Variants in RAD54L observed in about 807,000 individuals in gnomAD.
RAD54L encodes DNA repair and recombination protein RAD54-like.
A neutral mutation model predicts 91.6 loss-of-function variants in RAD54L; 74 were observed. That is an observed-to-expected ratio of 0.81 (90% CI 0.67 to 0.98). The LOEUF is 0.98. Ranked by LOEUF, RAD54L falls within the 50% of genes least tolerant of loss-of-function variation. The pLI is 0.00. For missense variants in RAD54L, 887 were observed against 945.7 expected (o/e 0.94, Z 0.81); for synonymous variants, 304 against 349.7 (o/e 0.87, Z 1.46).
chr1:46,268,353 C>T (rs1266675784), intron 9 of RAD54L, among the ~76,000 whole-genome samples: 1 of 152,154 alleles, frequency 6.6e-6, no homozygotes, highest in African/African-American at 2.4e-5. Flanking sequence ...CCTCATTCCT[C>T]CCTCCCCTAA....
intron 2 of RAD54L, among the ~76,000 whole-genome samples, chr1:46,249,515 G>A (rs1222990463): frequency 6.6e-6 from 1 of 152,214 alleles, no homozygotes; most frequent in Non-Finnish European, 1.5e-5. Context: ...ATCTGGGTCT[G>A]CTGTCAGTTG....
rs1023781792 is a variant in RAD54L, at chr1:46,260,065, C to G, written c.373C>G (p.Pro125Ala). The change falls in exon 5 of 18, where the codon CCG (proline) becomes GCG (alanine). Residue 125 changes from proline (P) to alanine (A), a missense_variant. Transcript: ENST00000371975. ...TGCCTTGGTTCTGTATGAGCCTCCCCCGCTGAGCGCTCATGACCAGCTGAA... is the reference window on the plus strand; with the variant it reads ...TGCCTTGGTTCTGTATGAGCCTCCCGCGCTGAGCGCTCATGACCAGCTGAA... The part of the protein sequence containing the change: ...KDALVLYEPP[P>A]LSAHDQLKLD... 2 of 1,614,096 alleles carry G rather than the reference C, an allele frequency of 1.2e-6. No individual in the cohort carries two copies. Among genetic ancestry groups the G allele is most frequent in the African/African-American group, 2.7e-5 (2 of 74,916 alleles).
In RAD54L at chr1:46,272,454, T is replaced by A. The variant is rs1163268097; in HGVS notation, c.1170-12T>A. On this transcript the variant is annotated splice_polypyrimidine_tract_variant and intron_variant, in intron 10 of 17. Transcript: ENST00000371975. ...TTACCAGCCTCTTGCCTTTTTATCC[T>A]GTTTTCTCTAGATGCCTGATACGGA... is the stretch of plus-strand genomic sequence containing the variant. 2 of 1,597,222 alleles carry A rather than the reference T, an allele frequency of 1.3e-6. No homozygotes were observed. Among genetic ancestry groups the A allele is most frequent in the African/African-American group, 1.3e-5 (1 of 74,508 alleles).
At position 46,267,730 on chromosome 1, in the gene RAD54L, T is replaced by C; in HGVS notation, c.1042+121T>C. On this transcript the variant is annotated intron_variant, in intron 9 of 17. Coordinates refer to ENST00000371975, the MANE Select transcript of RAD54L (RefSeq NM_003579.4). ...TTATATGTGGGTCACTAGGCATTCT[T>C]GTAGGAAGGCTTCTCTTGTCAGGGA... is the stretch of plus-strand genomic sequence containing the variant. 2.3e-6 allele frequency: 3 copies of C among 1,317,022 alleles called. No homozygotes were observed. In the South Asian group the frequency reaches 3.7e-5, roughly 16 times the overall value. The allele number at this position is 1,317,022 out of a possible 1,614,324, so 81.6% of individuals were successfully genotyped here.
chr1:46,258,663 C>T (rs1660008299), intron 3 of RAD54L, 23 bp from the exon 4 acceptor site: 5 of 1,568,338 alleles, frequency 3.2e-6, no homozygotes, highest in African/African-American at 2.7e-5. Context: ...AGTCCTGAAT[C>T]CTTGTTTCTC....
chr1:46,264,568 A>C (rs1660216833), intron 8 of RAD54L, among the ~76,000 whole-genome samples: 2 of 152,266 alleles, frequency 1.3e-5, no homozygotes, highest in Admixed American at 1.3e-4. Context: ...CACATGGGCT[A>C]CTTGAAAGGG....
intron 3 of RAD54L, among the ~76,000 whole-genome samples, chr1:46,250,477 C>T (rs1424858036): frequency 6.6e-6 from 1 of 152,172 alleles, no homozygotes; most frequent in Admixed American, 6.5e-5. Context: ...ACCACCATGG[C>T]AGGTTCTGTG....
Position 46,278,309 on chromosome 1 carries a change from T to TA in RAD54L, c.*28dup. The TA allele has an allele frequency of 3.1e-6, 5 of 1,590,104 alleles. No individual in the cohort carries two copies. The highest frequency in any genetic ancestry group is 1.8e-5 in the Admixed American group (1 of 56,964). ...AACCAGCTGGTCTGGGTGTAGCTCTTAGAGGAAGGAGATAGGGAAAAGGGG... is the reference window on the plus strand; with the variant it reads ...AACCAGCTGGTCTGGGTGTAGCTCTTAAGAGGAAGGAGATAGGGAAAAGGGG... On this transcript the variant is annotated 3_prime_UTR_variant, in exon 18 of 18. Coordinates refer to ENST00000371975, the MANE Select transcript of RAD54L (RefSeq NM_003579.4).
In RAD54L at chr1:46,248,580, C is replaced by G. The variant is rs1659714385; in HGVS notation, c.72C>G (p.Asp24Glu). ...AAGGCAGGTCCTGTGATGATGAAGA[C>G]TGGCAACCTGGCCTAGTGGTGAGCA... ...KPEGRSCDDE[D>E]WQPGLVTPRK... Residue 24 changes from aspartate to glutamate, a missense_variant, in exon 2 of 18, where the codon GAC (aspartate) becomes GAG (glutamate). Transcript: ENST00000371975. 4 of 1,614,172 alleles carry G rather than the reference C, an allele frequency of 2.5e-6. No individual in the cohort carries two copies. The Admixed American group carries it at 6.7e-5, about 27-fold the overall frequency.
chr1:46,253,720 CTTTTT>C (rs3063981), intron 3 of RAD54L, among the ~76,000 whole-genome samples: 9 of 83,598 alleles, frequency 1.1e-4, no homozygotes, highest in Admixed American at 3.6e-4. Context: ...CTTAGGTACT[CTTTTT>C]TTTTTTTTTT....
At chr1:46,261,204 GTTTT>G (rs750795604) in intron 7 of RAD54L, 53 bp from the exon 8 acceptor site, 19 of 1,341,618 alleles carry the variant, frequency 1.4e-5, no homozygotes, top group Non-Finnish European at 1.9e-5. Flanking sequence ...TGTTTTTTTT[GTTTT>G]TTTTTTTTTC....
Position 46,273,720 on chromosome 1 carries a change from T to C in RAD54L, c.1583T>C (p.Leu528Pro). The C allele has an allele frequency of 6.2e-7, 1 of 1,612,290 alleles. No individual in the cohort carries two copies. The highest frequency in any genetic ancestry group is 8.5e-7 in the Non-Finnish European group (1 of 1,179,216). The change falls in exon 14 of 18, where the codon CTC (leucine) becomes CCC (proline). Residue 528 changes from leucine to proline, a missense_variant. Transcript: ENST00000371975. Reference sequence around the variant, plus strand: ...TCGAATTACACCCAGACTTTGGATCTCTTTGAGAAGCTGTGCCGTGCCCGA... The same window carrying C: ...TCGAATTACACCCAGACTTTGGATCCCTTTGAGAAGCTGTGCCGTGCCCGA... ...LVSNYTQTLD[L>P]FEKLCRARRY...
At chr1:46,274,760 A>T in intron 16 of RAD54L, 43 bp downstream of exon 16, 1 of 1,610,688 alleles carries the variant, frequency 6.2e-7, no homozygotes. Flanking sequence ...GGGTCATGGA[A>T]CGAGATCTTC....
At chr1:46,256,374 G>C (rs1659940996) in intron 3 of RAD54L, among the ~76,000 whole-genome samples, 1 of 152,146 alleles carries the variant, frequency 6.6e-6, no homozygotes, top group African/African-American at 2.4e-5. Flanking sequence ...CCACTGCACT[G>C]GCCAAGGGTC....
At chr1:46,270,838 A>AAACC in intron 10 of RAD54L, 53 bp downstream of exon 10, 44 of 1,608,512 alleles carry the variant, frequency 2.7e-5, no homozygotes, top group Non-Finnish European at 3.7e-5. Flanking sequence ...ATCCATGGCC[A>AAACC]ATCCTTTGGG....
At chr1:46,261,221 A>G in intron 7 of RAD54L, 40 bp from the exon 8 acceptor site, 1 of 1,602,376 alleles carries the variant, frequency 6.2e-7, no homozygotes, top group Non-Finnish European at 8.5e-7. Flanking sequence ...TTTTTTTCAA[A>G]AGATTCTGAA....
At chr1:46,259,292 C>T (rs1660030485) in intron 4 of RAD54L, among the ~76,000 whole-genome samples, 1 of 151,910 alleles carries the variant, frequency 6.6e-6, no homozygotes, top group African/African-American at 2.4e-5. Context: ...GTTGGGACTA[C>T]AGGCTTGAGA....
At chr1:46,256,969 C>T (rs1428079287) in intron 3 of RAD54L, among the ~76,000 whole-genome samples, 3 of 151,964 alleles carry the variant, frequency 2.0e-5, no homozygotes, top group African/African-American at 7.3e-5. Flanking sequence ...CATGGTGAAA[C>T]CCTGTTTCTA....
At chr1:46,269,133 A>C (rs1229561386) in intron 9 of RAD54L, among the ~76,000 whole-genome samples, 1 of 151,936 alleles carries the variant, frequency 6.6e-6, no homozygotes, top group Non-Finnish European at 1.5e-5. Context: ...TCTTTCCCCC[A>C]TTGCTTTGCA....
Sources: allele counts gnomAD v4.1 joint callset (sites outside exome capture counted in the v4.1 genomes callset), GRCh38; gene constraint gnomAD v4.1.1; transcripts MANE v1.5; gene names NCBI Gene and HGNC (gene_info 2026-07-23, HGNC 2026-07-21).